Variants in IQGAP1 observed in about 807,000 individuals in gnomAD.
The protein encoded by IQGAP1 is ras GTPase-activating-like protein IQGAP1.
IQGAP1 carries 66 observed loss-of-function variants against 215.6 expected under a neutral mutation model. That is an observed-to-expected ratio of 0.31 (90% CI 0.25 to 0.38). IQGAP1 has a LOEUF of 0.38. IQGAP1 is among the 10% of genes least tolerant of loss of function. The probability of loss-of-function intolerance (pLI) is 1.00; values close to 1 mark genes in which losing one functional copy is unlikely to be tolerated. For missense variants in IQGAP1, 1,712 were observed against 1,997.1 expected (o/e 0.86, Z 2.72); for synonymous variants, 772 against 728.7 (o/e 1.06, Z -0.96).
chr15:90,402,979 TG>T (rs1475768557), intron 2 of IQGAP1, among the ~76,000 whole-genome samples: 6 of 152,090 alleles, frequency 3.9e-5, no homozygotes. Flanking sequence ...TATAACAAAA[TG>T]TTTTTTTGGG....
intron 2 of IQGAP1, among the ~76,000 whole-genome samples, chr15:90,399,955 TATC>T (rs1964782202): frequency 1.3e-5 from 2 of 152,330 alleles, no homozygotes; most frequent in South Asian, 2.1e-4. Context: ...TTATACTTCT[TATC>T]ATTGAGAAAC....
At chr15:90,445,470 G>A (rs1965514169) in intron 9 of IQGAP1, among the ~76,000 whole-genome samples, 1 of 151,892 alleles carries the variant, frequency 6.6e-6, no homozygotes, top group African/African-American at 2.4e-5. Context: ...CTCCTGTGTC[G>A]TACACAGGCT....
intron 5 of IQGAP1, 97 bp downstream of exon 5, chr15:90,433,892 T>G: frequency 1.5e-6 from 1 of 666,850 alleles, no homozygotes; most frequent in East Asian, 2.8e-5. Flanking sequence ...AAAAGTTTTT[T>G]GATTAGTTTC....
In IQGAP1 at chr15:90,442,971, C is replaced by CA. The variant is rs540827665; in HGVS notation, c.829-415dup. Among the ~76,000 whole-genome samples, 15 of 150,874 alleles carry CA rather than the reference C, an allele frequency of 9.9e-5. No homozygotes were observed. In the South Asian group the frequency reaches 1.3e-3, roughly 13 times the overall value. ...TGGGTGACAGAGTGAGACTCTGTCT[C>CA]AAAAAAAAGACAGAATCTCGCTCAG... On this transcript the variant is annotated intron_variant, in intron 8 of 37. Coordinates refer to ENST00000268182, the MANE Select transcript of IQGAP1 (RefSeq NM_003870.4).
intron 2 of IQGAP1, among the ~76,000 whole-genome samples, chr15:90,408,459 T>C (rs575238992): frequency 4.6e-4 from 70 of 152,322 alleles, no homozygotes; most frequent in African/African-American, 1.6e-3. Flanking sequence ...GATTCTACCC[T>C]TATGTACATA....
chr15:90,408,179 A>G (rs1964907607), intron 2 of IQGAP1, among the ~76,000 whole-genome samples: 1 of 152,128 alleles, frequency 6.6e-6, no homozygotes, highest in South Asian at 2.1e-4. Flanking sequence ...ACCTCTCACC[A>G]CAGTGCTTTT....
intron 2 of IQGAP1, among the ~76,000 whole-genome samples, chr15:90,414,943 G>A (rs1965024145): frequency 6.6e-6 from 1 of 152,064 alleles, no homozygotes; most frequent in Admixed American, 6.6e-5. Context: ...CATGCCGCAA[G>A]TCACCAAATC....
chr15:90,426,996 ACT>A (rs2151014198), intron 3 of IQGAP1, among the ~76,000 whole-genome samples: 1 of 151,494 alleles, frequency 6.6e-6, no homozygotes, highest in South Asian at 2.1e-4. Flanking sequence ...GGCTGGGCAC[ACT>A]GATTCTCACC....
At chr15:90,486,246 A>G in intron 31 of IQGAP1, 114 bp downstream of exon 31, 1 of 632,468 alleles carries the variant, frequency 1.6e-6, no homozygotes, top group South Asian at 1.9e-5. Flanking sequence ...ACATTGAGAA[A>G]TAAAATAGAT....
chr15:90,415,678 A>G (rs1270576758), intron 2 of IQGAP1, among the ~76,000 whole-genome samples: 1 of 152,136 alleles, frequency 6.6e-6, no homozygotes, highest in Non-Finnish European at 1.5e-5. Context: ...CCCGTGCCTC[A>G]TCTAACAGAT....
intron 36 of IQGAP1, 66 bp from the exon 37 acceptor site, chr15:90,497,166 C>A: frequency 1.2e-6 from 1 of 834,090 alleles, no homozygotes; most frequent in Non-Finnish European, 2.0e-6. Context: ...CTCCTTTCCC[C>A]ATTTCACAGA....
At chr15:90,455,321 C>CGTGACTCTATACCTCAGT (rs1422586629) in intron 14 of IQGAP1, among the ~76,000 whole-genome samples, 2 of 152,192 alleles carry the variant, frequency 1.3e-5, no homozygotes, top group Non-Finnish European at 2.9e-5. Context: ...GCTGGTATCA[C>CGTGACTCTATACCTCAGT]GTGACTCTAT....
At chr15:90,482,701 G>A (rs1350229383) in intron 28 of IQGAP1, 8 of 998,884 alleles carry the variant, frequency 8.0e-6, no homozygotes, top group Non-Finnish European at 9.6e-6. Flanking sequence ...CTCTCTCCTA[G>A]TTCTGTGCTT....
chr15:90,439,459 C>T (rs950146284), intron 6 of IQGAP1, 60 bp downstream of exon 6: 42 of 1,381,486 alleles, frequency 3.0e-5, no homozygotes, highest in Non-Finnish European at 4.3e-5. Context: ...CCTGGAGAGC[C>T]AGCAGTACCA....
Position 90,487,703 on chromosome 15 carries a change from T to A in IQGAP1, c.4248+121T>A, listed in dbSNP as rs1227047536. On this transcript the variant is annotated intron_variant, in intron 33 of 37. Transcript: ENST00000268182. ...GGTAGCCTAGGGGTGAGCATGAATG[T>A]AACTGGGGGACAGTGGTAGTTATGG... 6 of 674,572 alleles carry A rather than the reference T, an allele frequency of 8.9e-6. No homozygotes were observed. In the East Asian group the frequency reaches 1.7e-4, roughly 19 times the overall value. 41.8% of individuals were successfully genotyped at this position (674,572 alleles called of 1,614,324 possible). A position where few individuals can be genotyped will look rare whatever the true frequency, so the allele number is the denominator to read the frequency against.
intron 16 of IQGAP1, 75 bp from the exon 17 acceptor site, chr15:90,466,194 A>G: frequency 2.5e-6 from 4 of 1,579,642 alleles, no homozygotes; most frequent in Admixed American, 1.7e-5. Flanking sequence ...TTGCCAGTAG[A>G]TATAGTTAGG....
intron 2 of IQGAP1, among the ~76,000 whole-genome samples, chr15:90,401,592 G>A (rs543912383): frequency 1.3e-5 from 2 of 152,298 alleles, no homozygotes; most frequent in South Asian, 4.1e-4. Flanking sequence ...CTTTCTACAT[G>A]CAAGGCACTG....
chr15:90,410,455 G>T (rs527597988), intron 2 of IQGAP1, among the ~76,000 whole-genome samples: 1 of 152,268 alleles, frequency 6.6e-6, no homozygotes, highest in East Asian at 1.9e-4. Flanking sequence ...ATCAGTGATA[G>T]ACTGGATTAA....
chr15:90,432,312 C>T (rs766862978), intron 4 of IQGAP1, among the ~76,000 whole-genome samples: 2 of 152,142 alleles, frequency 1.3e-5, no homozygotes, highest in East Asian at 3.8e-4. Flanking sequence ...CTGGTCATTC[C>T]CTAAGCCTTC....
Sources: gnomAD v4.1 joint callset for allele counts (sites outside exome capture counted in the v4.1 genomes callset) on GRCh38, gnomAD v4.1.1 for gene constraint, MANE v1.5 for transcripts, NCBI Gene and HGNC (gene_info 2026-07-23, HGNC 2026-07-21) for gene names.